Variants in EPB41L3 observed in about 807,000 individuals in gnomAD.
EPB41L3 encodes the protein erythrocyte membrane protein band 4.1 like 3, also known as band 4.1-like protein 3.
A neutral mutation model predicts 127.1 loss-of-function variants in EPB41L3; 57 were observed. The ratio of observed to expected loss-of-function variants is 0.45; its 90% CI spans 0.36 to 0.56. EPB41L3 has a LOEUF of 0.56. Ranked by LOEUF, EPB41L3 falls within the 20% of genes least tolerant of loss-of-function variation. The pLI, the probability that EPB41L3 is intolerant of heterozygous loss-of-function variation, is 0.00. For synonymous variants in EPB41L3, 572 were observed against 549.5 expected, an observed-to-expected ratio of 1.04 and a Z score of -0.57; for missense variants, 1,273 against 1,372.2, an observed-to-expected ratio of 0.93 and a Z score of 1.14.
rs558756882 is a variant in EPB41L3, at chr18:5,515,277, A to G, written c.-11-26083T>C. ...ACTGAGAGTTTTTTTGCTTTGTAGC[A>G]TTCCCTAAAAAGTCTTCTTCAAGAT... On this transcript the variant is annotated intron_variant, in intron 1 of 22. Coordinates refer to ENST00000341928, the MANE Select transcript of EPB41L3 (RefSeq NM_012307.5). Among the ~76,000 whole-genome samples the G allele has an allele frequency of 1.7e-4, 26 of 152,292 alleles. No individual in the cohort carries two copies. The East Asian group carries it at 3.3e-3, about 19-fold the overall frequency.
At chr18:5,412,576 A>T (rs1385000336) in intron 13 of EPB41L3, among the ~76,000 whole-genome samples, 4 of 152,138 alleles carry the variant, frequency 2.6e-5, no homozygotes, top group Non-Finnish European at 5.9e-5. Flanking sequence ...AACACTTCTA[A>T]AATTTTTGAA....
At chr18:5,619,620 T>G (rs1477740822) in intron 1 of EPB41L3, among the ~76,000 whole-genome samples, 1 of 152,240 alleles carries the variant, frequency 6.6e-6, no homozygotes, top group Non-Finnish European at 1.5e-5. Context: ...GACTTTTATC[T>G]TTCTCTAGAC....
chr18:5,591,413 A>G (rs1424104635), intron 3 of EPB41L3, among the ~76,000 whole-genome samples: 3 of 152,180 alleles, frequency 2.0e-5, no homozygotes, highest in African/African-American at 7.2e-5. Context: ...CTGTGTCCAC[A>G]TACAGTGCAA....
intron 3 of EPB41L3, among the ~76,000 whole-genome samples, chr18:5,574,421 C>T (rs770768214): frequency 6.6e-6 from 1 of 150,580 alleles, no homozygotes; most frequent in Non-Finnish European, 1.5e-5. Flanking sequence ...TTAGACCTAC[C>T]TCAACCTGAT....
chr18:5,549,523 A>G (rs1332391899), intron 3 of EPB41L3, among the ~76,000 whole-genome samples: 1 of 152,204 alleles, frequency 6.6e-6, no homozygotes, highest in East Asian at 1.9e-4. Context: ...AGTTTCTCAA[A>G]CTGGCTTATT....
upstream of EPB41L3, chr18:5,630,470 G>A: frequency 1.9e-6 from 1 of 518,952 alleles, no homozygotes; most frequent in Non-Finnish European, 3.8e-6. Flanking sequence ...TAGCGCAAGG[G>A]CAGAGAGAGG....
chr18:5,563,557 A>G (rs966595604), intron 3 of EPB41L3, among the ~76,000 whole-genome samples: 3 of 152,176 alleles, frequency 2.0e-5, no homozygotes, highest in South Asian at 2.1e-4. Flanking sequence ...GGAGGAAAAA[A>G]CTGACAGGAC....
chr18:5,424,737 G>A (rs979184358), intron 9 of EPB41L3, among the ~76,000 whole-genome samples: 1 of 152,054 alleles, frequency 6.6e-6, no homozygotes, highest in African/African-American at 2.4e-5. Flanking sequence ...CAACTGCAAG[G>A]TACAGAAATG....
chr18:5,495,356 T>C (rs938997873), intron 1 of EPB41L3, among the ~76,000 whole-genome samples: 8 of 150,574 alleles, frequency 5.3e-5, no homozygotes, highest in African/African-American at 2.0e-4. Flanking sequence ...GAGACAAAGA[T>C]TTCATAACAG....
intron 1 of EPB41L3, among the ~76,000 whole-genome samples, chr18:5,619,433 G>A (rs936456951): frequency 4.6e-5 from 7 of 151,612 alleles, no homozygotes; most frequent in Non-Finnish European, 7.4e-5. Flanking sequence ...AAATAATTTT[G>A]TGGGTCAGAC....
chr18:5,504,229 C>T (rs1385273398), intron 1 of EPB41L3, among the ~76,000 whole-genome samples: 1 of 152,182 alleles, frequency 6.6e-6, no homozygotes, highest in Non-Finnish European at 1.5e-5. Flanking sequence ...TTCAACTCCA[C>T]AAAACCTTGC....
At chr18:5,501,180 T>C (rs1206476142) in intron 1 of EPB41L3, among the ~76,000 whole-genome samples, 9 of 152,158 alleles carry the variant, frequency 5.9e-5, no homozygotes, top group South Asian at 2.1e-4. Context: ...ATAAAATACA[T>C]AGAAAAATTC....
At chr18:5,514,548 C>T (rs1390704227) in intron 1 of EPB41L3, among the ~76,000 whole-genome samples, 1 of 152,068 alleles carries the variant, frequency 6.6e-6, no homozygotes, top group Non-Finnish European at 1.5e-5. Flanking sequence ...CCACAAACAC[C>T]ACCTTACGCA....
rs2079381486 is a variant in EPB41L3 at position 5,434,076 on chromosome 18, C to G, written c.651G>C (p.Arg217Ser). Residue 217 changes from arginine to serine, a missense_variant, in exon 7 of 23, where the codon AGG becomes AGC. Around this residue, in one of 3 missense-constraint regions of EPB41L3, gnomAD observed 326 missense variants for 440.2 expected, o/e 0.74. Transcript: ENST00000341928. ...LQLRDDIVSG[R>S]LPCSFVTLAL... ...CCAGGGTAACAAAGGAGCAGGGCAG[C>G]CTTCCGGACACGATGTCATCTCGCA... is the stretch of plus-strand genomic sequence containing the variant. The G allele has an allele frequency of 6.8e-6, 11 of 1,614,176 alleles. No individual in the cohort carries two copies. The highest frequency in any genetic ancestry group is 8.5e-6 in the Non-Finnish European group (10 of 1,180,034).
chr18:5,479,184 T>C (rs1182219440), intron 2 of EPB41L3, among the ~76,000 whole-genome samples: 1 of 152,232 alleles, frequency 6.6e-6, no homozygotes, highest in Non-Finnish European at 1.5e-5. Flanking sequence ...TTTGGAAATG[T>C]GCACACAGAT....
At chr18:5,549,654 T>A (rs1456426269) in intron 3 of EPB41L3, among the ~76,000 whole-genome samples, 7 of 152,196 alleles carry the variant, frequency 4.6e-5, no homozygotes, top group African/African-American at 1.2e-4. Flanking sequence ...GATGCAAATT[T>A]TGGGGTCCAG....
At chr18:5,453,755 G>A (rs781665322) in intron 3 of EPB41L3, among the ~76,000 whole-genome samples, 5 of 152,194 alleles carry the variant, frequency 3.3e-5, no homozygotes, top group Admixed American at 1.3e-4. Flanking sequence ...ATGGAAAACT[G>A]CTTGTCCTTT....
chr18:5,444,496 T>G (rs2081214559), intron 4 of EPB41L3, among the ~76,000 whole-genome samples: 1 of 152,212 alleles, frequency 6.6e-6, no homozygotes, highest in African/African-American at 2.4e-5. Flanking sequence ...GTCAATGCAA[T>G]GGAAACGATT....
chr18:5,494,834 G>A (rs1219556425), intron 1 of EPB41L3, among the ~76,000 whole-genome samples: 1 of 152,186 alleles, frequency 6.6e-6, no homozygotes, highest in South Asian at 2.1e-4. Context: ...GTGATGAGAG[G>A]TGAGGAAAAG....
Sources: allele counts gnomAD v4.1 joint callset (sites outside exome capture counted in the v4.1 genomes callset), GRCh38; gene constraint gnomAD v4.1.1; regional missense constraint gnomAD v4.1.1; transcripts MANE v1.5; gene names NCBI Gene and HGNC (gene_info 2026-07-23, HGNC 2026-07-21).